Variants in CEMIP observed in about 807,000 individuals in gnomAD.
CEMIP encodes cell migration-inducing and hyaluronan-binding protein.
A neutral mutation model predicts 156.9 loss-of-function variants in CEMIP; 105 were observed. The ratio of observed to expected loss-of-function variants is 0.67; its 90% CI spans 0.57 to 0.79. The LOEUF (loss-of-function observed/expected upper bound fraction) is 0.79, where lower values mean the gene tolerates loss of function less well. Ranked by LOEUF, CEMIP falls within the 30% of genes least tolerant of loss-of-function variation. The pLI, the probability that CEMIP is intolerant of heterozygous loss-of-function variation, is 0.00. For synonymous variants in CEMIP, 676 were observed against 668.4 expected (o/e 1.01, Z -0.17); for missense variants, 1,457 against 1,769.4 (o/e 0.82, Z 3.17).
At chr15:80,786,381 A>AT (rs1237536771) in intron 1 of CEMIP, among the ~76,000 whole-genome samples, 1 of 152,004 alleles carries the variant, frequency 6.6e-6, no homozygotes, top group East Asian at 1.9e-4. Context: ...ATTTTAGCTA[A>AT]TTTTTTGGAC....
intron 12 of CEMIP, among the ~76,000 whole-genome samples, chr15:80,901,702 CAAA>C (rs35218666): frequency 2.9e-5 from 4 of 136,604 alleles, no homozygotes; most frequent in African/African-American, 7.8e-5. Flanking sequence ...GACTTTGTCT[CAAA>C]AAAAAAAAAA....
At chr15:80,782,726 G>T (rs185822775) in intron 1 of CEMIP, among the ~76,000 whole-genome samples, 84 of 152,232 alleles carry the variant, frequency 5.5e-4, no homozygotes, top group Non-Finnish European at 1.0e-3. Flanking sequence ...AGGAATCTTA[G>T]CTTCTTCCGT....
At chr15:80,845,527 G>A (rs1897532643) in intron 1 of CEMIP, among the ~76,000 whole-genome samples, 1 of 152,202 alleles carries the variant, frequency 6.6e-6, no homozygotes, top group Admixed American at 6.5e-5. Flanking sequence ...AAACCTGTCA[G>A]TGGAGCCTAT....
At chr15:80,948,408 A>C (rs1200611461) in intron 29 of CEMIP, 2 of 331,956 alleles carry the variant, frequency 6.0e-6, no homozygotes, top group Non-Finnish European at 5.9e-6. Context: ...CAATGCCATC[A>C]TTTGATGGAT....
intron 1 of CEMIP, among the ~76,000 whole-genome samples, chr15:80,847,462 G>A (rs1897591465): frequency 6.6e-6 from 1 of 152,198 alleles, no homozygotes; most frequent in Non-Finnish European, 1.5e-5. Context: ...GGGTTGGGGT[G>A]CAGTCTGGGC....
Position 80,832,806 on chromosome 15 carries a change from A to C in CEMIP, c.-175-40732A>C, listed in dbSNP as rs140147846. Among the ~76,000 whole-genome samples the C allele has an allele frequency of 1.1e-3, 170 of 152,306 alleles. 1 individual carries two copies. Among genetic ancestry groups the C allele is most frequent in the Middle Eastern group, 3.4e-3 (1 of 294 alleles). ...AACAGTGACATTTATCTGTTTCTCA[A>C]ATCTGTGATGTGGACAGAGCCAACT... On this transcript the variant is annotated intron_variant, in intron 1 of 29. Transcript: ENST00000394685.
At chr15:80,809,191 G>A (rs1443539955) in intron 1 of CEMIP, among the ~76,000 whole-genome samples, 1 of 152,150 alleles carries the variant, frequency 6.6e-6, no homozygotes, top group African/African-American at 2.4e-5. Context: ...GCACAGGAAT[G>A]CCTCTACAAT....
intron 14 of CEMIP, among the ~76,000 whole-genome samples, chr15:80,918,387 T>G (rs1596190647): frequency 6.6e-6 from 1 of 152,316 alleles, no homozygotes; most frequent in South Asian, 2.1e-4. Flanking sequence ...AATGGAATTT[T>G]TGGCAATGAA....
chr15:80,805,374 C>A (rs567462947), intron 1 of CEMIP, among the ~76,000 whole-genome samples: 2 of 152,184 alleles, frequency 1.3e-5, no homozygotes, highest in African/African-American at 2.4e-5. Context: ...AACAAGCAGA[C>A]CTTCTTTTCA....
chr15:80,799,436 G>T (rs1020057321), intron 1 of CEMIP, among the ~76,000 whole-genome samples: 8 of 152,230 alleles, frequency 5.3e-5, no homozygotes, highest in Non-Finnish European at 1.0e-4. Flanking sequence ...GCTAGGGAAG[G>T]CCTGGTCTGG....
intron 7 of CEMIP, among the ~76,000 whole-genome samples, chr15:80,886,455 T>G (rs1175984281): frequency 1.3e-5 from 2 of 151,998 alleles, no homozygotes; most frequent in African/African-American, 4.8e-5. Context: ...CGTTCAATAG[T>G]GATTCATTTT....
Position 80,896,001 on chromosome 15 carries a change from C to G in CEMIP, c.1352C>G (p.Ala451Gly), listed in dbSNP as rs1344736058. Residue 451 changes from alanine (A) to glycine (G), a missense_variant, in exon 12 of 30, where the codon GCA becomes GGA. Physicochemically the swap from Ala to Gly is moderately conservative, Grantham distance 60 (BLOSUM62 0). Transcript: ENST00000394685. ...AGTACTGATTACTCCATGTACCAGG[C>G]AGAAGAGTTCCAGGTGCTTCCCTGC... ...IASTDYSMYQAEEFQVLPCRS... is the reference protein window; with the variant it reads ...IASTDYSMYQGEEFQVLPCRS... The G allele has an allele frequency of 6.2e-7, 1 of 1,614,086 alleles. No homozygotes were observed. The highest frequency in any genetic ancestry group is 8.5e-7 in the Non-Finnish European group (1 of 1,180,048).
At chr15:80,894,945 TA>T (rs370268279) in intron 10 of CEMIP, 44 bp from the exon 11 acceptor site, 930 of 1,260,666 alleles carry the variant, frequency 7.4e-4, no homozygotes, top group African/African-American at 5.6e-3. Flanking sequence ...TCCTTCTCTA[TA>T]AAAAAAAAAC....
At chr15:80,827,975 A>G (rs1256772756) in intron 1 of CEMIP, among the ~76,000 whole-genome samples, 1 of 152,228 alleles carries the variant, frequency 6.6e-6, no homozygotes, top group Non-Finnish European at 1.5e-5. Flanking sequence ...CTAAGTAGAT[A>G]GATCCAGTTG....
intron 1 of CEMIP, among the ~76,000 whole-genome samples, chr15:80,872,479 T>TTTTTTTTTTTTTTTTTTTTTGAGACG (rs754996702): frequency 4.0e-5 from 6 of 149,520 alleles, no homozygotes; most frequent in African/African-American, 1.5e-4. Context: ...AACTTCTATA[T>TTTTTTTTTTTTTTTTTTTTTGAGACG]GAGTAAAAGG....
chr15:80,898,362 G>A (rs1044023704), intron 12 of CEMIP, among the ~76,000 whole-genome samples: 2 of 152,188 alleles, frequency 1.3e-5, no homozygotes, highest in African/African-American at 4.8e-5. Flanking sequence ...TTGTATATGT[G>A]AGGCACTTAC....
chr15:80,805,496 TG>T (rs1450914310), intron 1 of CEMIP, among the ~76,000 whole-genome samples: 1 of 152,172 alleles, frequency 6.6e-6, no homozygotes, highest in Non-Finnish European at 1.5e-5. Flanking sequence ...TTCCCTTTGG[TG>T]GTTACCGTGT....
At chr15:80,879,678 CTG>C (rs1436754323) in intron 4 of CEMIP, 36 bp from the exon 5 acceptor site, 3 of 1,613,534 alleles carry the variant, frequency 1.9e-6, no homozygotes, top group Non-Finnish European at 1.7e-6. Flanking sequence ...ACCCTTAACA[CTG>C]TGTTATTAAA....
At chr15:80,786,406 T>G (rs1453047704) in intron 1 of CEMIP, among the ~76,000 whole-genome samples, 3 of 152,100 alleles carry the variant, frequency 2.0e-5, no homozygotes, top group Non-Finnish European at 2.9e-5. Context: ...TTTAACATTT[T>G]TGTAAAGATG....
Sources: gnomAD v4.1 joint callset for allele counts (sites outside exome capture counted in the v4.1 genomes callset) on GRCh38, gnomAD v4.1.1 for gene constraint, MANE v1.5 for transcripts, NCBI Gene and HGNC (gene_info 2026-07-23, HGNC 2026-07-21) for gene names.